Variants in LLGL2 observed in about 807,000 individuals in gnomAD.
The protein encoded by LLGL2 is LLGL scribble cell polarity complex component 2.
In LLGL2, 81 loss-of-function variants were observed where a neutral mutation model predicts 123.2. The ratio of observed to expected loss-of-function variants is 0.66; its 90% CI spans 0.55 to 0.79. The LOEUF (loss-of-function observed/expected upper bound fraction) is 0.79, where lower values mean the gene tolerates loss of function less well. Among genes scored for constraint, LLGL2 ranks in the 30% least tolerant of loss-of-function variants. The pLI is 0.00. For missense variants in LLGL2, 1,273 were observed against 1,414.6 expected (o/e 0.90, Z 1.61); for synonymous variants, 577 against 594.1 (o/e 0.97, Z 0.42).
intron 6 of LLGL2, chr17:75,562,236 T>C (rs1470941): frequency 0.3 from 44,916 of 152,172 alleles, 6,938 homozygotes; most frequent in African/African-American, 0.38. Context: ...ACACAGAGTT[T>C]TGTTTTATGG....
intron 10 of LLGL2, among the ~76,000 whole-genome samples, chr17:75,566,170 G>C (rs76504264): frequency 0.015 from 2,268 of 152,336 alleles, 28 homozygotes; most frequent in Non-Finnish European, 0.022. Flanking sequence ...GGGGCGAAGA[G>C]AGGGCAGAAT....
At chr17:75,569,439 G>C in intron 14 of LLGL2, 114 bp downstream of exon 14, 1 of 820,882 alleles carries the variant, frequency 1.2e-6, no homozygotes, top group Non-Finnish European at 2.0e-6. Flanking sequence ...TTGCTTTTCC[G>C]GTGGATGGAG....
At position 75,574,492 on chromosome 17, in the gene LLGL2, G is replaced by C; in HGVS notation, c.2993G>C (p.Arg998Pro). 1 of 1,558,372 alleles carries C rather than the reference G, an allele frequency of 6.4e-7. No individual in the cohort carries two copies. Residue 998 changes from arginine to proline, a missense_variant, in exon 24 of 26, where the codon CGC (arginine) becomes CCC (proline). Arg to Pro is a moderately radical substitution (Grantham distance 103, BLOSUM62 -2). Transcript: ENST00000392550. ...KEIQSTLEGD[R>P]GSGNWRSHRA... ...ATCCAGAGCACACTGGAGGGAGACC[G>C]CGGGTGAGGCACCGCCCAGGCCAGC...
chr17:75,557,014 G>A (rs548080684), intron 3 of LLGL2, among the ~76,000 whole-genome samples: 6 of 147,116 alleles, frequency 4.1e-5, no homozygotes, highest in African/African-American at 7.7e-5. Context: ...GGGCAACAGA[G>A]TGAGACTCTG....
intron 10 of LLGL2, chr17:75,568,226 C>T: frequency 7.1e-7 from 1 of 1,407,542 alleles, no homozygotes; most frequent in Admixed American, 3.0e-5. Context: ...TGGTTGGGAC[C>T]CTGCCTTCCA....
chr17:75,557,986 T>C (rs2054992480), intron 3 of LLGL2, 169 bp from the exon 4 acceptor site: 1 of 749,014 alleles, frequency 1.3e-6, no homozygotes, highest in Admixed American at 1.8e-5. Flanking sequence ...GGGCCAGGGC[T>C]GCTGTGTCTC....
At position 75,558,345 on chromosome 17, in the gene LLGL2, T is replaced by C. The variant is rs2055013453; in HGVS notation, c.255+109T>C. 8.0e-7 allele frequency: 1 copy of C among 1,257,842 alleles called. No individual in the cohort carries two copies. The highest frequency in any genetic ancestry group is 1.1e-6 in the Non-Finnish European group (1 of 897,982). The allele number at this position is 1,257,842 out of a possible 1,614,324, so 77.9% of individuals were successfully genotyped here. ...TGGCATTCGGTGGCCCTGGGTTTGC[T>C]GCTGATGGAAAGACCTGGGACCCCC... On this transcript the variant is annotated intron_variant, in intron 4 of 25. Transcript: ENST00000392550. This position sits in a 1 kb window ranked among gnomAD's most constrained non-coding sequence, Gnocchi z 4.0.
At chr17:75,547,488 G>T (rs2054481024) in intron 2 of LLGL2, among the ~76,000 whole-genome samples, 2 of 152,194 alleles carry the variant, frequency 1.3e-5, no homozygotes, top group Non-Finnish European at 1.5e-5. Context: ...GCAAAAACTG[G>T]CTTCCCTCCA....
Position 75,570,464 on chromosome 17 carries a change from G to C in LLGL2, c.1991G>C (p.Ser664Thr). 6.3e-7 allele frequency: 1 copy of C among 1,588,794 alleles called. No homozygotes were observed. Among genetic ancestry groups the C allele is most frequent in the Non-Finnish European group, 8.6e-7 (1 of 1,169,060 alleles). ...CGGATGCGTCGGAGCCGGGTGTCCA[G>C]CCGGAAGCGGCACCCGGCTGGCCCC... ...FRRMRRSRVS[S>T]RKRHPAGPPG... Residue 664 changes from serine (S) to threonine (T), a missense_variant, in exon 16 of 26, where the codon AGC (serine) becomes ACC (threonine). By Grantham distance (58) the Ser-to-Thr change is moderately conservative (BLOSUM62 1). Coordinates refer to ENST00000392550, the MANE Select transcript of LLGL2 (RefSeq NM_001031803.2).
At chr17:75,573,457 G>T (rs754709487) in intron 20 of LLGL2, 24 bp from the exon 21 acceptor site, 1 of 1,595,348 alleles carries the variant, frequency 6.3e-7, no homozygotes, top group East Asian at 2.3e-5. Context: ...AGGCCAGGCC[G>T]CTAGCATTGC....
rs564047128 is a variant in LLGL2 at position 75,558,038 on chromosome 17, G to A, written c.174-117G>A. 2.4e-5 allele frequency: 24 copies of A among 985,968 alleles called. 1 individual carries two copies. In the South Asian group the frequency reaches 2.8e-4, roughly 12 times the overall value. 61.1% of individuals were successfully genotyped at this position (985,968 alleles called of 1,614,324 possible). ...CCATGCATGGGTCCTGCTGCCTCGG[G>A]GGAGGGCAGCCCCTCTCTGTGTTTG... is the stretch of plus-strand genomic sequence containing the variant. On this transcript the variant is annotated intron_variant, in intron 3 of 25. Transcript: ENST00000392550. The surrounding 1 kb of genome is among the most constrained non-coding windows in gnomAD (Gnocchi z 4.0).
intron 1 of LLGL2, 108 bp from the exon 2 acceptor site, chr17:75,543,289 G>A (rs1437200113): frequency 7.3e-6 from 5 of 685,410 alleles, no homozygotes; most frequent in Non-Finnish European, 1.2e-5. Context: ...CCCCGGGGTG[G>A]CAGCCTACTG....
At position 75,542,879 on chromosome 17, in the gene LLGL2, C is replaced by G. The variant is rs1379281117; in HGVS notation, c.-30-518C>G. On this transcript the variant is annotated intron_variant, in intron 1 of 25. Coordinates refer to ENST00000392550, the MANE Select transcript of LLGL2 (RefSeq NM_001031803.2). ...CCGAGAGTCCCTGGACAGCCTTCCC[C>G]GAGGTCAGAAGGAGGAAGCATCTGC... The G allele has an allele frequency of 2.6e-5, 4 of 152,490 alleles. No homozygotes were observed. The East Asian group carries it at 7.7e-4, about 30-fold the overall frequency. The allele number at this position is 152,490 out of a possible 1,614,324, so 9.4% of individuals were successfully genotyped here.
intron 3 of LLGL2, among the ~76,000 whole-genome samples, chr17:75,557,034 C>CTTT (rs55649536): frequency 0.024 from 2,567 of 109,146 alleles, 12 homozygotes; most frequent in African/African-American, 0.041. Context: ...GTCTCAAAAA[C>CTTT]TTTTTTTTTT....
Position 75,549,684 on chromosome 17 carries a change from T to C in LLGL2, c.75+6183T>C, listed in dbSNP as rs8076354. Among the ~76,000 whole-genome samples the C allele has an allele frequency of 0.78, 118,146 of 152,110 alleles. 46,611 individuals carry two copies. The highest frequency in any genetic ancestry group is 0.86 in the Non-Finnish European group (58,359 of 67,972). On this transcript the variant is annotated intron_variant, in intron 2 of 25. Coordinates refer to ENST00000392550, the MANE Select transcript of LLGL2 (RefSeq NM_001031803.2). This position sits in a 1 kb window ranked among gnomAD's most constrained non-coding sequence, Gnocchi z 4.0. ...GCCAGGCAGGAGTGCTCCCCCAAGG[T>C]GCTGGGCAGCCTCTGAGGGCCTGGT...
intron 2 of LLGL2, among the ~76,000 whole-genome samples, chr17:75,545,103 G>C (rs1326802449): frequency 6.6e-6 from 1 of 152,048 alleles, no homozygotes; most frequent in African/African-American, 2.4e-5. Flanking sequence ...AAATAGGGCT[G>C]AACACCCCCC....
rs114228216 is a variant in LLGL2 at position 75,570,800 on chromosome 17, T to G, written c.2026-150T>G. The G allele has an allele frequency of 1.5e-3, 1,605 of 1,097,668 alleles. 26 individuals carry two copies. In the African/African-American group the frequency reaches 0.024, roughly 16 times the overall value. The allele number at this position is 1,097,668 out of a possible 1,614,324, so 68.0% of individuals were successfully genotyped here. On this transcript the variant is annotated intron_variant, in intron 16 of 25. Transcript: ENST00000392550. The stretch of plus-strand genomic sequence containing the variant: ...GCAGGCTCCCCCAAGGGCACCTCCC[T>G]CTTGGACAAGGGTCCCTCTAGACGC...
In LLGL2 at chr17:75,571,931, T is replaced by C; in HGVS notation, c.2327T>C (p.Val776Ala). The C allele has an allele frequency of 6.2e-7, 1 of 1,612,430 alleles. No individual in the cohort carries two copies. Among genetic ancestry groups the C allele is most frequent in the South Asian group, 1.1e-5 (1 of 91,068 alleles). ...ATCCAGCTGATGCACCGGGCGCCGG[T>C]GGTGGGCATCCTGGTGCTCGACGGA... ...KEIQLMHRAPVVGILVLDGHS... is the reference protein window; with the variant it reads ...KEIQLMHRAPAVGILVLDGHS... Residue 776 changes from valine to alanine, a missense_variant, in exon 19 of 26, where the codon GTG becomes GCG. Coordinates refer to ENST00000392550, the MANE Select transcript of LLGL2 (RefSeq NM_001031803.2).
intron 1 of LLGL2, among the ~76,000 whole-genome samples, chr17:75,541,025 C>A (rs2054186016): frequency 6.6e-6 from 1 of 152,184 alleles, no homozygotes; most frequent in Non-Finnish European, 1.5e-5. Context: ...GGGTCTGGTA[C>A]ACTCACTCCC....
Sources: gnomAD v4.1 joint callset for allele counts (sites outside exome capture counted in the v4.1 genomes callset) on GRCh38, gnomAD v4.1.1 for gene constraint, Gnocchi (gnomAD v3.1) non-coding constraint, MANE v1.5 for transcripts, NCBI Gene and HGNC (gene_info 2026-07-23, HGNC 2026-07-21) for gene names.